The following TMEM237 variants were observed in gnomAD, a reference collection of about 807,000 sequenced individuals.
TMEM237 encodes the protein transmembrane protein 237, also known as amyotrophic lateral sclerosis 2 (juvenile) chromosome region, candidate 4.
A neutral mutation model predicts 59.1 loss-of-function variants in TMEM237; 51 were observed. The observed-to-expected ratio is 0.86, with a 90% CI of 0.69 to 1.09. The LOEUF is 1.09. TMEM237 is among the 50% of genes least tolerant of loss of function. The probability of loss-of-function intolerance (pLI) is 0.00; values close to 1 mark genes in which losing one functional copy is unlikely to be tolerated. For synonymous variants in TMEM237, 140 were observed against 166.1 expected (o/e 0.84, Z 1.21); for missense variants, 475 against 478.3 (o/e 0.99, Z 0.06).
chr2:201,640,077 G>C (rs927519764), intron 3 of TMEM237, among the ~76,000 whole-genome samples, 184 bp downstream of exon 3: 1 of 152,206 alleles, frequency 6.6e-6, no homozygotes, highest in Non-Finnish European at 1.5e-5. Flanking sequence ...TTTTATAATG[G>C]AAAGGTCATC....
intron 9 of TMEM237, among the ~76,000 whole-genome samples, chr2:201,628,795 T>C (rs1311842279): frequency 6.6e-6 from 1 of 152,146 alleles, no homozygotes; most frequent in African/African-American, 2.4e-5. Context: ...CTCAGAGCCC[T>C]GGAAAAAGGA....
intron 1 of TMEM237, among the ~76,000 whole-genome samples, chr2:201,641,721 T>TAC (rs576129568): frequency 3.5e-4 from 39 of 112,328 alleles, no homozygotes; most frequent in African/African-American, 1.2e-3. Flanking sequence ...TATATATATA[T>TAC]ACACAAGATA....
chr2:201,637,807 T>C (rs1687331041), intron 4 of TMEM237, among the ~76,000 whole-genome samples: 1 of 151,810 alleles, frequency 6.6e-6, no homozygotes, highest in South Asian at 2.1e-4. Flanking sequence ...ACCTCAGTAG[T>C]ACATAGAGAA....
chr2:201,631,005 G>T (rs1957802217), intron 7 of TMEM237: 1 of 152,094 alleles, frequency 6.6e-6, no homozygotes, highest in East Asian at 1.9e-4. Flanking sequence ...ACATATCCAT[G>T]GTAGTATATA....
At chr2:201,640,667 T>C (rs1373447403) in intron 2 of TMEM237, among the ~76,000 whole-genome samples, 16 of 152,022 alleles carry the variant, frequency 1.1e-4, no homozygotes, top group Non-Finnish European at 2.9e-5. Context: ...AATGGATCCA[T>C]TATCCTACCA....
intron 12 of TMEM237, among the ~76,000 whole-genome samples, chr2:201,625,652 T>C (rs1426921116): frequency 1.3e-5 from 2 of 152,204 alleles, no homozygotes; most frequent in Admixed American, 6.5e-5. Flanking sequence ...CTTGAGTATG[T>C]GTCCGACAGA....
chr2:201,624,216 C>A lies in TMEM237; in HGVS notation c.*39G>T. The stretch of plus-strand genomic sequence containing the variant: ...AATACATTTAAAAACAAAAATGGGA[C>A]AAATACTGGGTCATTATTCCTCCAA... On this transcript the variant is annotated 3_prime_UTR_variant, in exon 13 of 13. Coordinates refer to ENST00000409883, the MANE Select transcript of TMEM237 (RefSeq NM_001044385.3). 1 of 1,541,506 alleles carries A rather than the reference C, an allele frequency of 6.5e-7. No homozygotes were observed. The highest frequency in any genetic ancestry group is 8.9e-7 in the Non-Finnish European group (1 of 1,120,708).
At chr2:201,632,389 G>T (rs1387331169) in intron 6 of TMEM237, among the ~76,000 whole-genome samples, 181 bp from the exon 7 acceptor site, 1 of 152,128 alleles carries the variant, frequency 6.6e-6, no homozygotes, top group Non-Finnish European at 1.5e-5. Context: ...ATTTCTGAGG[G>T]CTTCAGTTTT....
chr2:201,633,533 G>A, intron 5 of TMEM237, 102 bp from the exon 6 acceptor site: 2 of 906,098 alleles, frequency 2.2e-6, no homozygotes, highest in Non-Finnish European at 3.0e-6. Context: ...AATTTTAATT[G>A]GGCAAAAATG....
Position 201,629,867 on chromosome 2 carries a change from C to T in TMEM237, c.554-15G>A, listed in dbSNP as rs144051344. 3.9e-4 allele frequency: 632 copies of T among 1,605,094 alleles called. 4 individuals are homozygous for T. In the African/African-American group the frequency reaches 6.1e-3, roughly 15 times the overall value. The stretch of plus-strand genomic sequence containing the variant: ...CTGGAATCTCCCTAAGAACACATAA[C>T]GTAATTACTAACAACTAGCGAGAGA... On this transcript the variant is annotated splice_polypyrimidine_tract_variant and intron_variant, in intron 7 of 12. Coordinates refer to ENST00000409883, the MANE Select transcript of TMEM237 (RefSeq NM_001044385.3).
At chr2:201,629,661 T>G (rs1387786219) in intron 8 of TMEM237, 68 bp downstream of exon 8, 4 of 1,555,728 alleles carry the variant, frequency 2.6e-6, no homozygotes, top group African/African-American at 2.8e-5. Context: ...ACCAAGAGGT[T>G]ATTTTTTTCT....
chr2:201,642,664 A>C, intron 1 of TMEM237: 1 of 1,607,488 alleles, frequency 6.2e-7, no homozygotes, highest in Non-Finnish European at 8.5e-7. Context: ...CCGGCCCCCA[A>C]GCACCTGGCG....
At chr2:201,640,339 C>T (rs1687388911) in intron 2 of TMEM237, 74 bp from the exon 3 acceptor site, 1 of 1,374,142 alleles carries the variant, frequency 7.3e-7, no homozygotes, top group Non-Finnish European at 9.7e-7. Flanking sequence ...AATTAGAAAC[C>T]TGTTAATATT....
intron 11 of TMEM237, 98 bp downstream of exon 11, chr2:201,627,223 A>C (rs1957767470): frequency 1.2e-6 from 1 of 829,302 alleles, no homozygotes; most frequent in Non-Finnish European, 1.9e-6. Flanking sequence ...GGAAACAAAA[A>C]CAGAGCCTTC....
At position 201,643,446 on chromosome 2, in the gene TMEM237, G is replaced by T. The variant is rs1036255671; in HGVS notation, c.-46C>A. On this transcript the variant is annotated 5_prime_UTR_variant, in exon 1 of 13. Coordinates refer to ENST00000409883, the MANE Select transcript of TMEM237 (RefSeq NM_001044385.3). This position sits in a 1 kb window ranked among gnomAD's most constrained non-coding sequence, Gnocchi z 4.3. ...GCCCCGGCGCAACCGCCGGCGGCCC[G>T]AGCCCAGCTCCCCGCGACGCAGCGG... The T allele has an allele frequency of 6.8e-7, 1 of 1,459,872 alleles. No individual in the cohort carries two copies. Among genetic ancestry groups the T allele is most frequent in the Admixed American group, 2.4e-5 (1 of 41,260 alleles). 90.4% of individuals were successfully genotyped at this position (1,459,872 alleles called of 1,614,324 possible).
chr2:201,634,164 C>A lies in TMEM237; in HGVS notation c.275-733G>T, dbSNP rs116425925. Among the ~76,000 whole-genome samples, 330 of 152,276 alleles carry A rather than the reference C, an allele frequency of 2.2e-3. 1 individual carries two copies. The highest frequency in any genetic ancestry group is 7.3e-3 in the African/African-American group (304 of 41,544). On this transcript the variant is annotated intron_variant, in intron 5 of 12. Transcript: ENST00000409883. Reference sequence around the variant, plus strand: ...GCTAACGGCCAATCTTATCAGCAGGCTTTTCCAAGGATAGCAGTCTCAGGT... The same window carrying A: ...GCTAACGGCCAATCTTATCAGCAGGATTTTCCAAGGATAGCAGTCTCAGGT...
rs758086204 is a variant in TMEM237 at position 201,623,147 on chromosome 2, T to C, written c.*1108A>G. On this transcript the variant is annotated 3_prime_UTR_variant, in exon 13 of 13. Transcript: ENST00000409883. ...ATTTAGACCTATTGTCAGGGTCAAC[T>C]GTCTCTATCATCAATTTGTCAATCC... 5.5e-5 allele frequency: 14 copies of C among 255,196 alleles called. No homozygotes were observed. The highest frequency in any genetic ancestry group is 1.4e-4 in the Admixed American group (4 of 28,326). 15.8% of individuals were successfully genotyped at this position (255,196 alleles called of 1,614,324 possible).
chr2:201,629,220 T>C lies in TMEM237; in HGVS notation c.869+10A>G, dbSNP rs376868416. On this transcript the variant is annotated intron_variant, in intron 9 of 12. Coordinates refer to ENST00000409883, the MANE Select transcript of TMEM237 (RefSeq NM_001044385.3). ...AAGAAGTTAGACAGATCTGGAGTCA[T>C]AGGCATTACCTGTCAAAAGCTGAAA... 201 of 1,535,292 alleles carry C rather than the reference T, an allele frequency of 1.3e-4. 2 individuals carry two copies. The highest frequency in any genetic ancestry group is 3.9e-4 in the South Asian group (29 of 74,536).
In TMEM237 at chr2:201,633,396, T is replaced by C. The variant is rs1400252092; in HGVS notation, c.310A>G (p.Ser104Gly). 1.3e-6 allele frequency: 2 copies of C among 1,576,466 alleles called. No homozygotes were observed. The highest frequency in any genetic ancestry group is 2.3e-5 in the East Asian group (1 of 43,502). ...ETSSTQKKSS[S>G]SSLLRNENGI... ...TTTTCATTTCGTAATAAAGATGAAC[T>C]AGATGACTTCTTTTGGGTGGAGGAA... Residue 104 changes from serine (S) to glycine (G), a missense_variant, in exon 6 of 13, where the codon AGT (serine) becomes GGT (glycine). Physicochemically the swap from Ser to Gly is moderately conservative, Grantham distance 56 (BLOSUM62 0). Coordinates refer to ENST00000409883, the MANE Select transcript of TMEM237 (RefSeq NM_001044385.3).
Sources: allele counts gnomAD v4.1 joint callset (sites outside exome capture counted in the v4.1 genomes callset), GRCh38; gene constraint gnomAD v4.1.1; non-coding constraint Gnocchi (gnomAD v3.1); transcripts MANE v1.5; gene names NCBI Gene and HGNC (gene_info 2026-07-23, HGNC 2026-07-21).